The following DIAPH3 variants were observed in gnomAD, a reference collection of about 807,000 sequenced individuals.
DIAPH3 encodes the protein protein diaphanous homolog 3.
A neutral mutation model predicts 144.3 loss-of-function variants in DIAPH3; 117 were observed. That is an observed-to-expected ratio of 0.81 (90% CI 0.70 to 0.95). The LOEUF (loss-of-function observed/expected upper bound fraction) is 0.95. Ranked by LOEUF, DIAPH3 falls within the 40% of genes least tolerant of loss-of-function variation. The pLI is 0.00. For missense variants in DIAPH3, 1,421 were observed against 1,412.7 expected (o/e 1.01, Z -0.09); for synonymous variants, 519 against 488.9 (o/e 1.06, Z -0.81).
In DIAPH3 at chr13:59,983,733, C is replaced by T. The variant is rs1257861047; in HGVS notation, c.1480+36G>A. ...TAGAGCTCATTCATAGAATAAGAGA[C>T]AATAAGATATTTCTATTTAAATAAT... On this transcript the variant is annotated intron_variant, in intron 13 of 27. Coordinates refer to ENST00000400324, the MANE Select transcript of DIAPH3 (RefSeq NM_001042517.2). The T allele has an allele frequency of 2.2e-6, 3 of 1,376,784 alleles. No homozygotes were observed. In the African/African-American group the frequency reaches 4.3e-5, roughly 20 times the overall value. 85.3% of individuals were successfully genotyped at this position (1,376,784 alleles called of 1,614,324 possible).
chr13:59,996,701 C>T (rs2052213702), intron 9 of DIAPH3, among the ~76,000 whole-genome samples: 1 of 151,974 alleles, frequency 6.6e-6, no homozygotes, highest in African/African-American at 2.4e-5. Context: ...AGTAGATAAG[C>T]TGTAAATAGA....
intron 27 of DIAPH3, among the ~76,000 whole-genome samples, chr13:59,726,104 A>G (rs1776069506): frequency 6.6e-6 from 1 of 152,216 alleles, no homozygotes. Context: ...TCACTTTACA[A>G]GTATATTATT....
chr13:59,946,296 A>C (rs2048792994), intron 17 of DIAPH3, among the ~76,000 whole-genome samples: 1 of 152,192 alleles, frequency 6.6e-6, no homozygotes, highest in South Asian at 2.1e-4. Flanking sequence ...GTAAAAACAA[A>C]TATTTGCACA....
intron 27 of DIAPH3, among the ~76,000 whole-genome samples, chr13:59,728,844 G>A (rs2138963255): frequency 6.6e-6 from 1 of 152,228 alleles, no homozygotes; most frequent in East Asian, 1.9e-4. Flanking sequence ...TTGTATACAT[G>A]GGGAACTCTA....
At chr13:59,995,802 G>A (rs975460490) in intron 9 of DIAPH3, among the ~76,000 whole-genome samples, 3 of 151,902 alleles carry the variant, frequency 2.0e-5, no homozygotes, top group African/African-American at 7.2e-5. Context: ...GGAAATTGAA[G>A]ATAGAAGACT....
chr13:59,694,158 GA>G (rs1452825591), intron 27 of DIAPH3, among the ~76,000 whole-genome samples: 1 of 152,066 alleles, frequency 6.6e-6, no homozygotes, highest in African/African-American at 2.4e-5. Context: ...GTGACATCAA[GA>G]AAAATAATCG....
intron 12 of DIAPH3, among the ~76,000 whole-genome samples, chr13:59,984,384 T>C (rs991367397): frequency 1.3e-5 from 2 of 151,758 alleles, no homozygotes; most frequent in Non-Finnish European, 2.9e-5. Flanking sequence ...TAATATCAAA[T>C]TCATATTTCT....
At chr13:59,915,273 C>T (rs1313818939) in intron 19 of DIAPH3, among the ~76,000 whole-genome samples, 3 of 151,988 alleles carry the variant, frequency 2.0e-5, no homozygotes, top group South Asian at 2.1e-4. Context: ...TGAGTCTCAG[C>T]GACTCACAGC....
intron 12 of DIAPH3, among the ~76,000 whole-genome samples, chr13:59,984,636 G>A (rs867671020): frequency 1.4e-5 from 2 of 147,936 alleles, no homozygotes; most frequent in Admixed American, 6.8e-5. Context: ...ATGATAAAGG[G>A]GATATCACCA....
At chr13:60,104,878 G>A (rs1399281508) in intron 3 of DIAPH3, among the ~76,000 whole-genome samples, 7 of 152,102 alleles carry the variant, frequency 4.6e-5, no homozygotes, top group African/African-American at 1.4e-4. Flanking sequence ...GTTCGTTCAC[G>A]AGGTCAGGAG....
intron 17 of DIAPH3, among the ~76,000 whole-genome samples, chr13:59,961,713 G>A (rs754471202): frequency 1.3e-5 from 2 of 152,094 alleles, no homozygotes; most frequent in African/African-American, 2.4e-5. Flanking sequence ...CTTTAGACTC[G>A]GATCTGTATT....
intron 20 of DIAPH3, among the ~76,000 whole-genome samples, chr13:59,881,168 G>C (rs941431582): frequency 6.6e-6 from 1 of 151,842 alleles, no homozygotes; most frequent in Non-Finnish European, 1.5e-5. Context: ...TATATTTTAA[G>C]ACAGATGGGT....
chr13:59,923,781 A>G (rs1369141679), intron 18 of DIAPH3, among the ~76,000 whole-genome samples: 1 of 152,170 alleles, frequency 6.6e-6, no homozygotes, highest in Non-Finnish European at 1.5e-5. Context: ...CATACTATCC[A>G]TGGGGATCTT....
intron 20 of DIAPH3, among the ~76,000 whole-genome samples, chr13:59,895,874 G>A (rs1179788995): frequency 1.3e-5 from 2 of 152,146 alleles, no homozygotes. Flanking sequence ...GGATGGACAG[G>A]GGAATCCTCT....
intron 5 of DIAPH3, 32 bp downstream of exon 5, chr13:60,042,658 C>T (rs773316197): frequency 1.2e-6 from 2 of 1,612,626 alleles, no homozygotes; most frequent in South Asian, 1.1e-5. Flanking sequence ...TTAATGACAT[C>T]TGCCCTGTTG....
intron 2 of DIAPH3, among the ~76,000 whole-genome samples, chr13:60,123,536 C>T (rs1402638917): frequency 2.0e-5 from 3 of 152,230 alleles, no homozygotes; most frequent in Admixed American, 2.0e-4. Context: ...AGTATTACTA[C>T]TGAAAATTTA....
intron 2 of DIAPH3, among the ~76,000 whole-genome samples, chr13:60,124,721 G>T (rs2058940853): frequency 6.6e-6 from 1 of 152,030 alleles, no homozygotes; most frequent in African/African-American, 2.4e-5. Context: ...AAGCAAGGTG[G>T]TGTATGTCTG....
chr13:60,136,460 G>C (rs1594756678), intron 1 of DIAPH3, among the ~76,000 whole-genome samples: 1 of 146,676 alleles, frequency 6.8e-6, no homozygotes, highest in Admixed American at 6.8e-5. Flanking sequence ...AAATTTTTAG[G>C]GTTATATTTA....
chr13:60,015,317 T>C (rs1207838824), intron 7 of DIAPH3, among the ~76,000 whole-genome samples: 1 of 152,186 alleles, frequency 6.6e-6, no homozygotes, highest in East Asian at 1.9e-4. Context: ...TGTAACCTCT[T>C]TAACTATGCA....
Sources: gnomAD v4.1 joint callset for allele counts (sites outside exome capture counted in the v4.1 genomes callset) on GRCh38, gnomAD v4.1.1 for gene constraint, MANE v1.5 for transcripts, NCBI Gene and HGNC (gene_info 2026-07-23, HGNC 2026-07-21) for gene names.